DNAH11: variants seen among roughly 807,000 people sequenced by gnomAD.
DNAH11 encodes dynein axonemal heavy chain 11.
A neutral mutation model predicts 526.0 loss-of-function variants in DNAH11; 442 were observed. The ratio of observed to expected loss-of-function variants is 0.84; its 90% CI spans 0.78 to 0.91. The LOEUF is 0.91. DNAH11 is among the 40% of genes least tolerant of loss of function. The pLI, the probability that DNAH11 is intolerant of heterozygous loss-of-function variation, is 0.00. For synonymous variants in DNAH11, 2,461 were observed against 1,935.9 expected, an observed-to-expected ratio of 1.27 and a Z score of -7.12; for missense variants, 6,989 against 5,448.7, an observed-to-expected ratio of 1.28 and a Z score of -8.90.
chr7:21,778,941 A>G lies in DNAH11; in HGVS notation c.9337-17A>G. 6.2e-7 allele frequency: 1 copy of G among 1,611,650 alleles called. No homozygotes were observed. The highest frequency in any genetic ancestry group is 1.1e-5 in the South Asian group (1 of 90,958). On this transcript the variant is annotated splice_polypyrimidine_tract_variant and intron_variant, in intron 56 of 81. Transcript: ENST00000409508. ...TGAACAAGGCCAGTGACGTAAGAAT[A>G]ATGACTTTTGCTTTAGGTGGGAGAT...
At chr7:21,663,007 G>T (rs950326804) in intron 30 of DNAH11, among the ~76,000 whole-genome samples, 15 of 151,904 alleles carry the variant, frequency 9.9e-5, no homozygotes, top group Admixed American at 4.6e-4. Flanking sequence ...AGTCTCCGTT[G>T]TCTGTCATTC....
intron 54 of DNAH11, among the ~76,000 whole-genome samples, chr7:21,753,442 T>A (rs982219680): frequency 6.6e-6 from 1 of 152,228 alleles, no homozygotes; most frequent in Non-Finnish European, 1.5e-5. Flanking sequence ...GCAGTATCAG[T>A]CATTCCAGTG....
At chr7:21,586,214 G>A (rs1583503782) in intron 9 of DNAH11, among the ~76,000 whole-genome samples, 1 of 152,132 alleles carries the variant, frequency 6.6e-6, no homozygotes, top group East Asian at 1.9e-4. Flanking sequence ...GGAAGCTTCT[G>A]GTATTCTTTC....
chr7:21,641,684 G>A (rs762051239), intron 28 of DNAH11, among the ~76,000 whole-genome samples: 3 of 152,188 alleles, frequency 2.0e-5, no homozygotes, highest in Non-Finnish European at 4.4e-5. Context: ...AGATTTCAGT[G>A]ATGTGCTTTT....
intron 60 of DNAH11, 93 bp downstream of exon 60, chr7:21,787,676 A>G (rs1467662862): frequency 5.1e-6 from 6 of 1,185,282 alleles, no homozygotes; most frequent in Non-Finnish European, 5.7e-6. Context: ...AAAATTTGTT[A>G]TTTCATTTTC....
intron 25 of DNAH11, among the ~76,000 whole-genome samples, chr7:21,624,761 A>G (rs777820857): frequency 6.6e-5 from 10 of 152,122 alleles, no homozygotes; most frequent in Non-Finnish European, 1.0e-4. Context: ...TCATGAAATG[A>G]TGTTGAATTT....
chr7:21,629,748 T>C (rs189864562), intron 25 of DNAH11, among the ~76,000 whole-genome samples: 37 of 152,266 alleles, frequency 2.4e-4, no homozygotes, highest in Middle Eastern at 3.4e-3. Flanking sequence ...CTCTTACTCT[T>C]TTTTGGTTTC....
In DNAH11 at chr7:21,564,232, G is replaced by T; in HGVS notation, c.1029G>T (p.Arg343Ser). 1 of 1,611,982 alleles carries T rather than the reference G, an allele frequency of 6.2e-7. No individual in the cohort carries two copies. Among genetic ancestry groups the T allele is most frequent in the East Asian group, 2.2e-5 (1 of 44,832 alleles). The part of the protein sequence containing the change: ...QDVELYLRPL[R>S]RHIQCLQETE... Reference sequence around the variant, plus strand: ...TGGAACTTTACCTGAGACCTCTGAGGAGACACATCCAGTGTCTCCAGGAGA... The same window carrying T: ...TGGAACTTTACCTGAGACCTCTGAGTAGACACATCCAGTGTCTCCAGGAGA... The change falls in exon 6 of 82, where the codon AGG (arginine) becomes AGT (serine). Residue 343 changes from arginine to serine, a missense_variant. Transcript: ENST00000409508.
chr7:21,544,276 A>G (rs1782720018), intron 1 of DNAH11, among the ~76,000 whole-genome samples: 1 of 152,250 alleles, frequency 6.6e-6, no homozygotes, highest in African/African-American at 2.4e-5. Flanking sequence ...ATTTTTAAGT[A>G]GCGCAATGCT....
At chr7:21,823,199 A>G (rs1194239393) in intron 65 of DNAH11, among the ~76,000 whole-genome samples, 1 of 151,908 alleles carries the variant, frequency 6.6e-6, no homozygotes, top group Non-Finnish European at 1.5e-5. Flanking sequence ...TCTTTTAACA[A>G]GCTTTTTCAA....
At chr7:21,800,551 G>C (rs1422567623) in intron 61 of DNAH11, among the ~76,000 whole-genome samples, 1 of 152,138 alleles carries the variant, frequency 6.6e-6, no homozygotes, top group Non-Finnish European at 1.5e-5. Context: ...GGAATCACTT[G>C]AACCTGGGGG....
Position 21,561,121 on chromosome 7 carries a change from A to G in DNAH11, c.933A>G (p.Gln311=). The G allele has an allele frequency of 6.2e-7, 1 of 1,605,498 alleles. No homozygotes were observed. The highest frequency in any genetic ancestry group is 8.5e-7 in the Non-Finnish European group (1 of 1,175,738). Reference sequence around the variant, plus strand: ...TGGTTAAGATCCTGACAACTAAACAAAGCAGCTATTTTCCTACTCTGAAGG... The same window carrying G: ...TGGTTAAGATCCTGACAACTAAACAGAGCAGCTATTTTCCTACTCTGAAGG... ...LKMVKILTTK[Q]SSYFPTLKDI... Residue 311 remains glutamine, a synonymous_variant, in exon 5 of 82, where the codon CAA becomes CAG. Coordinates refer to ENST00000409508, the MANE Select transcript of DNAH11 (RefSeq NM_001277115.2).
At chr7:21,688,434 T>C (rs756045266) in intron 34 of DNAH11, among the ~76,000 whole-genome samples, 25 of 152,160 alleles carry the variant, frequency 1.6e-4, no homozygotes, top group Non-Finnish European at 3.1e-4. Context: ...GCCCCAGTCT[T>C]TGGATTTACT....
At chr7:21,631,449 A>T (rs1786604783) in intron 25 of DNAH11, among the ~76,000 whole-genome samples, 1 of 152,218 alleles carries the variant, frequency 6.6e-6, no homozygotes, top group East Asian at 1.9e-4. Flanking sequence ...AGACAAGGCA[A>T]GTCCCTTCCA....
At chr7:21,809,651 C>T (rs914384552) in intron 63 of DNAH11, among the ~76,000 whole-genome samples, 15 of 152,040 alleles carry the variant, frequency 9.9e-5, no homozygotes, top group African/African-American at 3.6e-4. Flanking sequence ...ACAACCTCCG[C>T]CCCCGAGGTT....
At position 21,627,777 on chromosome 7, in the gene DNAH11, A is replaced by C. The variant is rs550051370; in HGVS notation, c.4500+7699A>C. Among the ~76,000 whole-genome samples, 45 of 152,252 alleles carry C rather than the reference A, an allele frequency of 3.0e-4. No homozygotes were observed. In the South Asian group the frequency reaches 7.7e-3, roughly 26 times the overall value. ...ACTATTCAGGGTCTTCTGTGATTCC[A>C]TATAAATTTTGAAACTTTTTCTATT... On this transcript the variant is annotated intron_variant, in intron 25 of 81. Coordinates refer to ENST00000409508, the MANE Select transcript of DNAH11 (RefSeq NM_001277115.2).
chr7:21,776,760 C>T (rs929848094), intron 56 of DNAH11, among the ~76,000 whole-genome samples: 4 of 152,222 alleles, frequency 2.6e-5, no homozygotes, highest in Non-Finnish European at 5.9e-5. Flanking sequence ...TGCTTTATTT[C>T]TATTTTGAGA....
At chr7:21,878,970 G>T (rs934625529) in intron 74 of DNAH11, among the ~76,000 whole-genome samples, 5 of 152,224 alleles carry the variant, frequency 3.3e-5, no homozygotes, top group African/African-American at 1.2e-4. Flanking sequence ...CTCAATGCCA[G>T]CTGAAGGAAT....
chr7:21,874,367 C>G (rs1389305380), intron 74 of DNAH11, among the ~76,000 whole-genome samples: 1 of 150,540 alleles, frequency 6.6e-6, no homozygotes, highest in African/African-American at 2.5e-5. Flanking sequence ...CAGAGTTTTG[C>G]TCTTGTCGCC....
Sources: allele counts gnomAD v4.1 joint callset (sites outside exome capture counted in the v4.1 genomes callset), GRCh38; gene constraint gnomAD v4.1.1; transcripts MANE v1.5; gene names NCBI Gene and HGNC (gene_info 2026-07-23, HGNC 2026-07-21).